The following GLIS3 variants were observed in gnomAD, a reference collection of about 807,000 sequenced individuals.
GLIS3 encodes GLIS family zinc finger 3.
In GLIS3, 53 loss-of-function variants were observed where a neutral mutation model predicts 78.6. The ratio of observed to expected loss-of-function variants is 0.67; its 90% CI spans 0.54 to 0.85. The LOEUF (loss-of-function observed/expected upper bound fraction) is 0.85, where lower values mean the gene tolerates loss of function less well. Among genes scored for constraint, GLIS3 ranks in the 40% least tolerant of loss-of-function variants. The pLI is 0.00. For missense variants in GLIS3, 1,703 were observed against 1,231.1 expected (o/e 1.38, Z -5.74); for synonymous variants, 684 against 509.9 (o/e 1.34, Z -4.60).
chr9:4,294,527 C>T (rs78608460), intron 1 of GLIS3, among the ~76,000 whole-genome samples: 2 of 151,566 alleles, frequency 1.3e-5, no homozygotes, highest in African/African-American at 4.9e-5. Flanking sequence ...AAAAAAATTA[C>T]AGAATAATAA....
chr9:3,958,141 T>G (rs1221106864), intron 4 of GLIS3, among the ~76,000 whole-genome samples: 1 of 152,132 alleles, frequency 6.6e-6, no homozygotes, highest in Non-Finnish European at 1.5e-5. Context: ...ATTTTGGAGG[T>G]AAATGTCTGC....
intron 4 of GLIS3, among the ~76,000 whole-genome samples, chr9:4,028,637 C>A (rs1212515182): frequency 6.6e-6 from 1 of 152,158 alleles, no homozygotes; most frequent in Non-Finnish European, 1.5e-5. Context: ...GTGCCCAATT[C>A]CAGCCATTTT....
chr9:4,058,161 C>A (rs1428720090), intron 4 of GLIS3, among the ~76,000 whole-genome samples: 2 of 152,080 alleles, frequency 1.3e-5, no homozygotes, highest in African/African-American at 4.8e-5. Context: ...GGAAGTAAAT[C>A]CAGGATTTAG....
the GLIS3 span, among the ~76,000 whole-genome samples, chr9:4,367,633 C>CA: frequency 0.58 from 35,555 of 61,812 alleles, 10,734 homozygotes; most frequent in Non-Finnish European, 0.62. Context: ...GACTCCATCT[C>CA]AAAAAAAAAA....
At chr9:4,062,186 T>C (rs1381485390) in intron 4 of GLIS3, among the ~76,000 whole-genome samples, 2 of 152,192 alleles carry the variant, frequency 1.3e-5, no homozygotes, top group Non-Finnish European at 2.9e-5. Context: ...AAATGCACAG[T>C]CATATTAAAA....
At chr9:3,967,034 CAAA>C (rs1307568514) in intron 4 of GLIS3, among the ~76,000 whole-genome samples, 1 of 94,394 alleles carries the variant, frequency 1.1e-5, no homozygotes, top group East Asian at 3.6e-4. Flanking sequence ...AAAAAAAAAA[CAAA>C]AAAACATTTT....
chr9:4,480,868 T>G, the GLIS3 span, among the ~76,000 whole-genome samples: 1 of 151,770 alleles, frequency 6.6e-6, no homozygotes, highest in Non-Finnish European at 1.5e-5. Context: ...ACTGGTTTTT[T>G]TTCTGAGACA....
the GLIS3 span, among the ~76,000 whole-genome samples, chr9:4,450,087 C>A: frequency 6.6e-6 from 1 of 152,046 alleles, no homozygotes; most frequent in African/African-American, 2.4e-5. Context: ...CACAAGGAAG[C>A]TAAAAACCTT....
chr9:4,220,701 C>A (rs921260022), intron 2 of GLIS3, among the ~76,000 whole-genome samples: 8 of 151,374 alleles, frequency 5.3e-5, no homozygotes, highest in African/African-American at 1.9e-4. Context: ...TCAAGGCCAG[C>A]CAGTGCAACA....
At chr9:3,990,748 T>A (rs1820166897) in intron 4 of GLIS3, among the ~76,000 whole-genome samples, 1 of 152,194 alleles carries the variant, frequency 6.6e-6, no homozygotes, top group South Asian at 2.1e-4. Context: ...AACATTGGAA[T>A]TAGTTTTCAA....
At chr9:3,988,828 G>C (rs1489394407) in intron 4 of GLIS3, among the ~76,000 whole-genome samples, 1 of 151,988 alleles carries the variant, frequency 6.6e-6, no homozygotes, top group East Asian at 1.9e-4. Context: ...AAAAAAGCCA[G>C]AAACAAATTG....
At chr9:4,225,536 C>A (rs141990384) in intron 2 of GLIS3, among the ~76,000 whole-genome samples, 5 of 152,288 alleles carry the variant, frequency 3.3e-5, no homozygotes, top group African/African-American at 1.2e-4. Flanking sequence ...AGTAGTCACA[C>A]AGAGTAAAAC....
At chr9:4,326,600 G>A (rs956637907) in intron 2 of GLIS3, among the ~76,000 whole-genome samples, 4 of 152,222 alleles carry the variant, frequency 2.6e-5, no homozygotes, top group African/African-American at 7.2e-5. Flanking sequence ...GATGAAAAAT[G>A]CTGGAGAGCG....
chr9:4,420,076 A>C, the GLIS3 span, among the ~76,000 whole-genome samples: 3 of 152,204 alleles, frequency 2.0e-5, no homozygotes, highest in Non-Finnish European at 2.9e-5. Context: ...GTTGAAGGCT[A>C]TCAGCTGTGG....
Position 4,118,935 on chromosome 9 carries a change from T to A in GLIS3, c.597-54A>T. On this transcript the variant is annotated intron_variant, in intron 3 of 10. Transcript: ENST00000381971. This position sits in a 1 kb window ranked among gnomAD's most constrained non-coding sequence, Gnocchi z 4.7. ...AAAAAAGATAAACATTTTAGCAGGA[T>A]ACGGATTGCTTAAGAGCTAAAAGAA... is the stretch of plus-strand genomic sequence containing the variant. 1.3e-6 allele frequency: 2 copies of A among 1,557,170 alleles called. No individual in the cohort carries two copies. Among genetic ancestry groups the A allele is most frequent in the East Asian group, 2.3e-5 (1 of 43,458 alleles).
upstream of GLIS3, among the ~76,000 whole-genome samples, chr9:4,301,507 T>A (rs1817072270): frequency 6.6e-6 from 1 of 152,192 alleles, no homozygotes. Flanking sequence ...TAAAAACTCT[T>A]CCTCATTAAC....
the GLIS3 span, among the ~76,000 whole-genome samples, chr9:4,417,784 T>C: frequency 6.6e-6 from 1 of 152,208 alleles, no homozygotes; most frequent in Admixed American, 6.5e-5. Context: ...AACTTTGTAA[T>C]CTTTGCCTAT....
intron 2 of GLIS3, among the ~76,000 whole-genome samples, chr9:4,248,999 G>C (rs1209649066): frequency 1.3e-5 from 2 of 151,996 alleles, no homozygotes; most frequent in Non-Finnish European, 2.9e-5. Context: ...TATCTATTTT[G>C]GTACAAGTAC....
intron 4 of GLIS3, among the ~76,000 whole-genome samples, chr9:3,980,570 T>C (rs974856744): frequency 1.3e-5 from 2 of 152,234 alleles, no homozygotes; most frequent in African/African-American, 2.4e-5. Context: ...ACAGCCCATA[T>C]TGAACATACC....
Sources: allele counts gnomAD v4.1 joint callset (sites outside exome capture counted in the v4.1 genomes callset), GRCh38; gene constraint gnomAD v4.1.1; non-coding constraint Gnocchi (gnomAD v3.1); transcripts MANE v1.5; gene names NCBI Gene and HGNC (gene_info 2026-07-23, HGNC 2026-07-21).